The following UNC13B variants were observed in gnomAD, a reference collection of about 807,000 sequenced individuals.
UNC13B encodes protein unc-13 homolog B.
A neutral mutation model predicts 211.0 loss-of-function variants in UNC13B; 144 were observed. That is an observed-to-expected ratio of 0.68 (90% CI 0.60 to 0.78). The LOEUF (loss-of-function observed/expected upper bound fraction) is 0.78, where lower values mean the gene tolerates loss of function less well. Among genes scored for constraint, UNC13B ranks in the 30% least tolerant of loss-of-function variants. The pLI is 0.00. For synonymous variants in UNC13B, 709 were observed against 725.8 expected, an observed-to-expected ratio of 0.98 and a Z score of 0.37; for missense variants, 1,777 against 2,002.0, an observed-to-expected ratio of 0.89 and a Z score of 2.14.
intron 5 of UNC13B, 98 bp downstream of exon 5, chr9:35,237,924 C>A: frequency 7.8e-7 from 1 of 1,282,808 alleles, no homozygotes; most frequent in Non-Finnish European, 1.1e-6. Flanking sequence ...CCTCAGCCAT[C>A]TCCTTTGAGG....
chr9:35,244,037 C>T (rs1026924147), intron 6 of UNC13B, among the ~76,000 whole-genome samples: 5 of 152,012 alleles, frequency 3.3e-5, no homozygotes, highest in African/African-American at 4.8e-5. Flanking sequence ...AGGCATAGAG[C>T]TTCATTAATA....
Position 35,183,280 on chromosome 9 carries a change from G to GGGCGGCCGGGCAGA in UNC13B, c.22+20977_22+20978insCGGCCGGGCAGAGG, listed in dbSNP as rs1324649250. Among the ~76,000 whole-genome samples the GGGCGGCCGGGCAGA allele has an allele frequency of 2.2e-4, 30 of 137,140 alleles. 1 individual carries two copies. Among genetic ancestry groups the GGGCGGCCGGGCAGA allele is most frequent in the Admixed American group, 4.3e-4 (6 of 14,068 alleles). 90.0% of individuals were successfully genotyped at this position (137,140 alleles called of 152,430 possible). ...AGAGGAGCCCCTCACCTCCCAGGCG[G>GGGCGGCCGGGCAGA]GGTGGCCGGGCAGAGGCGCCCCTCA... On this transcript the variant is annotated intron_variant, in intron 1 of 39. Transcript: ENST00000635942.
intron 7 of UNC13B, among the ~76,000 whole-genome samples, chr9:35,273,216 C>T (rs539021761): frequency 1.3e-5 from 2 of 152,330 alleles, no homozygotes; most frequent in East Asian, 3.9e-4. Context: ...CATTCAGAAG[C>T]ATTGTCAGTA....
At chr9:35,385,689 CTG>C (rs778154075) in intron 22 of UNC13B, 33 bp from the exon 23 acceptor site, 1 of 1,578,404 alleles carries the variant, frequency 6.3e-7, no homozygotes, top group South Asian at 1.1e-5. Context: ...TCATAGTCCT[CTG>C]TTCCTTTCTT....
intron 11 of UNC13B, among the ~76,000 whole-genome samples, chr9:35,332,714 T>C (rs1831443252): frequency 6.6e-6 from 1 of 152,212 alleles, no homozygotes. Context: ...TGGCTACCAT[T>C]TATACCAAGG....
intron 7 of UNC13B, among the ~76,000 whole-genome samples, chr9:35,274,524 C>G (rs1828065604): frequency 6.6e-6 from 1 of 152,180 alleles, no homozygotes; most frequent in Non-Finnish European, 1.5e-5. Context: ...CTTATAATGA[C>G]ATGTTCTTAT....
chr9:35,353,569 T>G, intron 11 of UNC13B: 19 of 1,232,116 alleles, frequency 1.5e-5, no homozygotes, highest in Non-Finnish European at 1.9e-5. Flanking sequence ...CTCTTGCTTC[T>G]AATAACTCCT....
intron 11 of UNC13B, among the ~76,000 whole-genome samples, chr9:35,316,339 C>T (rs543713537): frequency 6.6e-6 from 1 of 152,000 alleles, no homozygotes; most frequent in African/African-American, 2.4e-5. Flanking sequence ...AGTTATAATC[C>T]ATTATTGTCA....
rs1272103199 is a variant in UNC13B at position 35,233,244 on chromosome 9, A to G, written c.152+2025A>G. ...TTGGCTATAACCATAATTTCCAGTT[A>G]TAACTCTTCCCATCATATGAGGCAC... On this transcript the variant is annotated intron_variant, in intron 3 of 39. Coordinates refer to ENST00000635942, the MANE Select transcript of UNC13B (RefSeq NM_001371189.2). Among the ~76,000 whole-genome samples the G allele has an allele frequency of 3.3e-5, 5 of 152,312 alleles. No homozygotes were observed. The East Asian group carries it at 5.8e-4, about 18-fold the overall frequency.
intron 11 of UNC13B, among the ~76,000 whole-genome samples, chr9:35,336,931 T>G (rs1831695281): frequency 1.3e-5 from 2 of 152,232 alleles, no homozygotes. Flanking sequence ...TACTCTCTGA[T>G]GGCACTCTAC....
In UNC13B at chr9:35,376,223, C is replaced by CT; in HGVS notation, c.9812dup (p.Leu3272AlafsTer4). The CT allele has an allele frequency of 6.2e-7, 1 of 1,613,930 alleles. No homozygotes were observed. The highest frequency in any genetic ancestry group is 8.5e-7 in the Non-Finnish European group (1 of 1,180,026). The stretch of plus-strand genomic sequence containing the variant: ...CAAGTGCCATGAGAAGTGCCAGGAT[C>CT]TGCTCAATGCTGACTGCCTGCAGCG... On this transcript the variant is annotated frameshift_variant, in exon 15 of 40. Transcript: ENST00000635942. LOFTEE classifies it high-confidence loss of function.
At chr9:35,350,005 G>A (rs1312426707) in intron 11 of UNC13B, among the ~76,000 whole-genome samples, 2 of 152,194 alleles carry the variant, frequency 1.3e-5, no homozygotes, top group Non-Finnish European at 2.9e-5. Context: ...AATGGGGAAA[G>A]CATCCCTGGT....
intron 3 of UNC13B, among the ~76,000 whole-genome samples, chr9:35,236,130 T>C (rs896356858): frequency 1.3e-5 from 2 of 152,168 alleles, no homozygotes; most frequent in African/African-American, 4.8e-5. Flanking sequence ...TTTACTTGTG[T>C]CTCCTTTTTT....
rs374492857 is a variant in UNC13B at position 35,238,759 on chromosome 9, T to G, written c.394+933T>G. On this transcript the variant is annotated intron_variant, in intron 5 of 39. Transcript: ENST00000635942. ...TTTTAGTAGAGACAGGGTTTCACCA[T>G]GTTGGTCAGGCTGGTCTTGAACTCC... is the stretch of plus-strand genomic sequence containing the variant. 7.5e-4 allele frequency among the ~76,000 whole-genome samples: 114 copies of G among 152,262 alleles called. 1 individual carries two copies. The South Asian group carries it at 0.018, about 25-fold the overall frequency.
intron 6 of UNC13B, among the ~76,000 whole-genome samples, chr9:35,256,217 C>T (rs889306501): frequency 2.6e-5 from 4 of 151,866 alleles, no homozygotes; most frequent in African/African-American, 9.7e-5. Context: ...CAGTTTTTAC[C>T]TTGAGTCTTT....
intron 6 of UNC13B, among the ~76,000 whole-genome samples, chr9:35,252,720 G>T (rs1378308888): frequency 6.6e-6 from 1 of 152,052 alleles, no homozygotes; most frequent in African/African-American, 2.4e-5. Context: ...CACGAGGTCA[G>T]GAGATCGAGA....
chr9:35,182,944 A>G (rs1587312525), intron 1 of UNC13B, among the ~76,000 whole-genome samples: 1 of 150,550 alleles, frequency 6.6e-6, no homozygotes, highest in African/African-American at 2.5e-5. Context: ...TTTCGACAAA[A>G]CCGCCATCGT....
intron 6 of UNC13B, among the ~76,000 whole-genome samples, chr9:35,254,112 T>C (rs2131602430): frequency 6.6e-6 from 1 of 152,252 alleles, no homozygotes; most frequent in Non-Finnish European, 1.5e-5. Flanking sequence ...ACATCAGTGG[T>C]TGAAGATCCC....
At chr9:35,240,557 T>C (rs1020099459) in intron 5 of UNC13B, among the ~76,000 whole-genome samples, 4 of 152,172 alleles carry the variant, frequency 2.6e-5, no homozygotes, top group South Asian at 2.1e-4. Flanking sequence ...ACCACAGATA[T>C]TGACCATTTT....
Sources: gnomAD v4.1 joint callset for allele counts (sites outside exome capture counted in the v4.1 genomes callset) on GRCh38, gnomAD v4.1.1 for gene constraint, MANE v1.5 for transcripts, NCBI Gene and HGNC (gene_info 2026-07-23, HGNC 2026-07-21) for gene names.